The following MAK variants were observed in gnomAD, a reference collection of about 807,000 sequenced individuals.
The protein encoded by MAK is serine/threonine-protein kinase MAK.
A neutral mutation model predicts 82.6 loss-of-function variants in MAK; 65 were observed. The ratio of observed to expected loss-of-function variants is 0.79; its 90% CI spans 0.64 to 0.97. MAK has a LOEUF of 0.97. Among genes scored for constraint, MAK ranks in the 50% least tolerant of loss-of-function variants. The pLI is 0.00. For synonymous variants in MAK, 250 were observed against 274.2 expected, an observed-to-expected ratio of 0.91 and a Z score of 0.87; for missense variants, 703 against 780.2, an observed-to-expected ratio of 0.90 and a Z score of 1.18.
intron 12 of MAK, among the ~76,000 whole-genome samples, chr6:10,774,134 A>G (rs927225453): frequency 1.3e-5 from 2 of 152,110 alleles, no homozygotes; most frequent in African/African-American, 4.8e-5. Context: ...CAGCTTCCAA[A>G]TTTTATCCAA....
At chr6:10,817,735 A>T in intron 4 of MAK, 115 bp downstream of exon 4, 1 of 837,054 alleles carries the variant, frequency 1.2e-6, no homozygotes, top group Non-Finnish European at 1.8e-6. Flanking sequence ...AGAACTGGTT[A>T]ATTTAAATTT....
At chr6:10,802,885 C>T (rs1379438880) in intron 7 of MAK, among the ~76,000 whole-genome samples, 1 of 152,076 alleles carries the variant, frequency 6.6e-6, no homozygotes, top group Non-Finnish European at 1.5e-5. Context: ...TATATACACA[C>T]TTATAAAGCA....
At chr6:10,812,035 A>G (rs966634446) in intron 5 of MAK, among the ~76,000 whole-genome samples, 25 of 152,124 alleles carry the variant, frequency 1.6e-4, no homozygotes, top group African/African-American at 6.0e-4. Flanking sequence ...CCTCATCTCT[A>G]CAAAAAAGAA....
intron 10 of MAK, 170 bp from the exon 11 acceptor site, chr6:10,784,742 G>A (rs771855299): frequency 1.7e-4 from 117 of 695,902 alleles, no homozygotes; most frequent in Middle Eastern, 6.9e-4. Context: ...CTCCACCCGC[G>A]TAGATATTGG....
At chr6:10,780,447 G>A (rs191892244) in intron 11 of MAK, among the ~76,000 whole-genome samples, 105 of 136,474 alleles carry the variant, frequency 7.7e-4, no homozygotes, top group African/African-American at 2.8e-3. Flanking sequence ...TCAGTGAAAT[G>A]TACTGGTTTT....
rs1775301330 is a variant in MAK at position 10,793,943 on chromosome 6, C to T, written c.1143+2055G>A. Among the ~76,000 whole-genome samples, 1 of 152,150 alleles carries T rather than the reference C, an allele frequency of 6.6e-6. No individual in the cohort carries two copies. Among genetic ancestry groups the T allele is most frequent in the Non-Finnish European group, 1.5e-5 (1 of 68,042 alleles). On this transcript the variant is annotated intron_variant, in intron 9 of 14. Coordinates refer to ENST00000354489, the MANE Select transcript of MAK (RefSeq NM_001242957.3). This position sits in a 1 kb window ranked among gnomAD's most constrained non-coding sequence, Gnocchi z 4.6. ...GCTGTCTGCCTCTAGCTCTGGCAACCTCATTCTAAGTGGAAAGCAAGATGA... is the reference window on the plus strand; with the variant it reads ...GCTGTCTGCCTCTAGCTCTGGCAACTTCATTCTAAGTGGAAAGCAAGATGA...
At chr6:10,815,911 A>AATATATATATATATAT (rs1561991497) in intron 4 of MAK, among the ~76,000 whole-genome samples, 16 of 78,148 alleles carry the variant, frequency 2.0e-4, no homozygotes, top group South Asian at 1.2e-3. Flanking sequence ...AGCTTTATAC[A>AATATATATATATATAT]GTATATATAT....
chr6:10,833,438 C>A (rs983179295), intron 1 of MAK, among the ~76,000 whole-genome samples: 29 of 152,030 alleles, frequency 1.9e-4, no homozygotes, highest in Admixed American at 1.3e-3. Context: ...AACTTCATCT[C>A]TACTAAAAAT....
Position 10,773,476 on chromosome 6 carries a change from T to C in MAK, c.1598-368A>G, listed in dbSNP as rs555727246. ...CTTGTAAAAAGCCCAAATATATTGATGTCACATCAGAATATCTCACTAAAC... is the reference window on the plus strand; with the variant it reads ...CTTGTAAAAAGCCCAAATATATTGACGTCACATCAGAATATCTCACTAAAC... On this transcript the variant is annotated intron_variant, in intron 12 of 14. Coordinates refer to ENST00000354489, the MANE Select transcript of MAK (RefSeq NM_001242957.3). 7.9e-5 allele frequency among the ~76,000 whole-genome samples: 12 copies of C among 152,352 alleles called. No homozygotes were observed. In the South Asian group the frequency reaches 1.4e-3, roughly 18 times the overall value.
intron 2 of MAK, among the ~76,000 whole-genome samples, chr6:10,825,209 A>C (rs1390138436): frequency 1.3e-5 from 2 of 152,228 alleles, no homozygotes; most frequent in African/African-American, 4.8e-5. Flanking sequence ...GAGGACAAAA[A>C]CAATGCTAAC....
At chr6:10,835,417 G>A (rs1026207608) in intron 1 of MAK, among the ~76,000 whole-genome samples, 1 of 152,172 alleles carries the variant, frequency 6.6e-6, no homozygotes, top group African/African-American at 2.4e-5. Flanking sequence ...GTGCCACCAT[G>A]CCCGGCTAAT....
intron 11 of MAK, among the ~76,000 whole-genome samples, chr6:10,782,577 A>AT (rs70991043): frequency 0.035 from 4,094 of 116,550 alleles, 107 homozygotes; most frequent in African/African-American, 0.043. Context: ...TCCCAACTGG[A>AT]TTTTTTTTTT....
chr6:10,777,101 A>G lies in MAK; in HGVS notation c.1466-1642T>C, dbSNP rs375841148. The stretch of plus-strand genomic sequence containing the variant: ...AACCATAAAGATGCACTTGGTGGCA[A>G]TTACTCATATTAAAACATCTTTAGG... On this transcript the variant is annotated intron_variant, in intron 11 of 14. Coordinates refer to ENST00000354489, the MANE Select transcript of MAK (RefSeq NM_001242957.3). Among the ~76,000 whole-genome samples the G allele has an allele frequency of 1.9e-3, 295 of 151,528 alleles. 1 individual carries two copies. The highest frequency in any genetic ancestry group is 6.6e-3 in the African/African-American group (273 of 41,332).
Position 10,791,695 on chromosome 6 carries a change from CCTTTTTT to C in MAK, c.1289_1295del (p.Glu430GlyfsTer33). On this transcript the variant is annotated frameshift_variant, in exon 10 of 15. Transcript: ENST00000354489. LOFTEE classifies it high-confidence loss of function. ...CTTACCGAAATGGAGAATCTTTTTTCCTTTTTTCTTTAAAAACACCCATGCTTGGCTT... is the reference window on the plus strand; with the variant it reads ...CTTACCGAAATGGAGAATCTTTTTTCCTTTAAAAACACCCATGCTTGGCTT... 1 of 1,613,390 alleles carries C rather than the reference CCTTTTTT, an allele frequency of 6.2e-7. No individual in the cohort carries two copies. The highest frequency in any genetic ancestry group is 8.5e-7 in the Non-Finnish European group (1 of 1,179,736).
chr6:10,829,843 C>A (rs1260381118), intron 2 of MAK, among the ~76,000 whole-genome samples: 1 of 147,052 alleles, frequency 6.8e-6, no homozygotes, highest in African/African-American at 2.5e-5. Flanking sequence ...CGTATATATT[C>A]TTTTTTTTTT....
chr6:10,814,538 G>T (rs764642535), intron 4 of MAK, among the ~76,000 whole-genome samples: 1 of 151,664 alleles, frequency 6.6e-6, no homozygotes, highest in South Asian at 2.1e-4. Context: ...GTGTGGTAGC[G>T]CATGCCTGTA....
At position 10,803,804 on chromosome 6, in the gene MAK, G is replaced by A. The variant is rs1253044127; in HGVS notation, c.579C>T (p.Leu193=). 6 of 1,613,890 alleles carry A rather than the reference G, an allele frequency of 3.7e-6. No homozygotes were observed. In the South Asian group the frequency reaches 6.6e-5, roughly 18 times the overall value. ...VWAVGSIMAE[L]YMLRPLFPGT... ...CTGGGAAAAGTGGCCTTAACATATA[G>A]AGTTCAGCCATGATACTTCCAACAG... Residue 193 remains leucine (L), a synonymous_variant, in exon 7 of 15, where the codon CTC becomes CTT. Transcript: ENST00000354489.
chr6:10,791,534 T>C (rs1775084245), intron 10 of MAK, 141 bp downstream of exon 10: 2 of 734,152 alleles, frequency 2.7e-6, no homozygotes, highest in South Asian at 3.5e-5. Context: ...CCCAAAGTGC[T>C]GGGATTACAG....
chr6:10,771,308 G>T (rs1473847455), intron 13 of MAK, among the ~76,000 whole-genome samples: 1 of 152,128 alleles, frequency 6.6e-6, no homozygotes. Context: ...GAGGAACAGG[G>T]TATGGAAATC....
Sources: gnomAD v4.1 joint callset for allele counts (sites outside exome capture counted in the v4.1 genomes callset) on GRCh38, gnomAD v4.1.1 for gene constraint, Gnocchi (gnomAD v3.1) non-coding constraint, MANE v1.5 for transcripts, NCBI Gene and HGNC (gene_info 2026-07-23, HGNC 2026-07-21) for gene names.